The following GPRC5A variants were observed in gnomAD, a reference collection of about 807,000 sequenced individuals.
GPRC5A encodes G protein-coupled receptor class C group 5 member A.
GPRC5A carries 19 observed loss-of-function variants against 22.5 expected under a neutral mutation model. The ratio of observed to expected loss-of-function variants is 0.85; its 90% CI spans 0.59 to 1.24. GPRC5A has a LOEUF of 1.24. Among genes scored for constraint, GPRC5A ranks in the 50% most tolerant of loss-of-function variants. GPRC5A has a pLI of 0.00. For missense variants in GPRC5A, 471 were observed against 451.1 expected, an observed-to-expected ratio of 1.04 and a Z score of -0.40; for synonymous variants, 192 against 184.5, an observed-to-expected ratio of 1.04 and a Z score of -0.33.
chr12:12,895,763 G>A (rs539397132), intron 1 of GPRC5A, among the ~76,000 whole-genome samples: 155 of 144,324 alleles, frequency 1.1e-3, no homozygotes, highest in African/African-American at 3.8e-3. Context: ...AGATCACGAG[G>A]TCAGGAGTTC....
At chr12:12,900,909 A>C (rs1279694934) in intron 1 of GPRC5A, among the ~76,000 whole-genome samples, 11 of 121,904 alleles carry the variant, frequency 9.0e-5, no homozygotes, top group Admixed American at 1.6e-4. Context: ...AAAAAAAAAA[A>C]AAAACAAAAA....
intron 1 of GPRC5A, among the ~76,000 whole-genome samples, chr12:12,903,021 C>G (rs1395256339): frequency 6.6e-6 from 1 of 152,082 alleles, no homozygotes; most frequent in Non-Finnish European, 1.5e-5. Context: ...GCGCCGATAT[C>G]GCGCCATTGC....
In GPRC5A at chr12:12,917,247, TGTGTGCGTGC is replaced by T. The variant is rs747076660; in HGVS notation, c.*4712_*4721del. On this transcript the variant is annotated 3_prime_UTR_variant, in exon 4 of 4. Coordinates refer to ENST00000014914, the MANE Select transcript of GPRC5A (RefSeq NM_003979.4). ...GTGTGTGTGTGTGTGTGTGTGTGTG[TGTGTGCGTGC>T]GTGCGTGTATGTGCGCCTGACCCTG... 3,109 of 80,012 alleles carry T rather than the reference TGTGTGCGTGC, an allele frequency of 0.039. 115 individuals carry two copies. Among genetic ancestry groups the T allele is most frequent in the East Asian group, 0.19 (120 of 646 alleles). The allele number at this position is 80,012 out of a possible 1,614,324, so 5.0% of individuals were successfully genotyped here.
Position 12,908,604 on chromosome 12 carries a change from C to G in GPRC5A, c.355C>G (p.Leu119Val). 1 of 1,614,056 alleles carries G rather than the reference C, an allele frequency of 6.2e-7. No homozygotes were observed. The highest frequency in any genetic ancestry group is 8.5e-7 in the Non-Finnish European group (1 of 1,179,950). ...FSCLLAHAVS[L>V]TKLVRGRKPL... ...CTGCCTGCTGGCTCATGCTGTCAGT[C>G]TGACCAAGCTCGTCCGGGGGAGGAA... is the stretch of plus-strand genomic sequence containing the variant. Residue 119 changes from leucine (L) to valine (V), a missense_variant, in exon 2 of 4, where the codon CTG becomes GTG. Coordinates refer to ENST00000014914, the MANE Select transcript of GPRC5A (RefSeq NM_003979.4).
At chr12:12,911,950 C>A in intron 2 of GPRC5A, 134 bp from the exon 3 acceptor site, 1 of 645,532 alleles carries the variant, frequency 1.5e-6, no homozygotes, top group East Asian at 2.7e-5. Context: ...GTCTCTGTCC[C>A]TCCAAGAAAC....
chr12:12,893,312 A>G (rs1286753698), intron 1 of GPRC5A, among the ~76,000 whole-genome samples: 1 of 152,212 alleles, frequency 6.6e-6, no homozygotes, highest in Admixed American at 6.5e-5. Flanking sequence ...CTAGTCTTGA[A>G]TGGTAATCGA....
chr12:12,895,942 G>A (rs1190108873), intron 1 of GPRC5A, among the ~76,000 whole-genome samples: 2 of 136,312 alleles, frequency 1.5e-5, no homozygotes, highest in Admixed American at 1.7e-4. Context: ...GCAGTGAGCC[G>A]AGATCACGCC....
chr12:12,893,453 A>T (rs1372526081), intron 1 of GPRC5A, among the ~76,000 whole-genome samples: 1 of 152,154 alleles, frequency 6.6e-6, no homozygotes, highest in Non-Finnish European at 1.5e-5. Flanking sequence ...TAAATTGAGG[A>T]GTATTTTTGC....
chr12:12,911,103 C>T (rs1314569229), intron 2 of GPRC5A, among the ~76,000 whole-genome samples: 1 of 152,118 alleles, frequency 6.6e-6, no homozygotes, highest in East Asian at 1.9e-4. Flanking sequence ...GAACTCCTGA[C>T]CTCATGATCC....
intron 2 of GPRC5A, chr12:12,909,827 G>A (rs1246344728): frequency 1.3e-5 from 2 of 151,764 alleles, no homozygotes; most frequent in Non-Finnish European, 2.9e-5. Context: ...GGCCAGGCAT[G>A]GTGGCTCACT....
At chr12:12,900,092 G>C (rs987638719) in intron 1 of GPRC5A, among the ~76,000 whole-genome samples, 1 of 152,186 alleles carries the variant, frequency 6.6e-6, no homozygotes, top group African/African-American at 2.4e-5. Flanking sequence ...TCAGTGCTGT[G>C]TGTCAGTCAA....
At chr12:12,896,360 A>G (rs1048297666) in intron 1 of GPRC5A, among the ~76,000 whole-genome samples, 1 of 152,212 alleles carries the variant, frequency 6.6e-6, no homozygotes, top group African/African-American at 2.4e-5. Context: ...GATGTTATTC[A>G]TAAGTTATTG....
Position 12,908,739 on chromosome 12 carries a change from G to A in GPRC5A, c.490G>A (p.Val164Ile), listed in dbSNP as rs1456167511. The A allele has an allele frequency of 3.1e-6, 5 of 1,614,190 alleles. No homozygotes were observed. The highest frequency in any genetic ancestry group is 4.2e-6 in the Non-Finnish European group (5 of 1,180,018). Reference protein sequence around the residue: ...VLTMNRTNVNVFSELSAPRRN... With the variant: ...VLTMNRTNVNIFSELSAPRRN... ...GACCATGAATAGGACCAACGTCAATGTCTTTTCTGAGCTTTCCGCTCCTCG... is the reference window on the plus strand; with the variant it reads ...GACCATGAATAGGACCAACGTCAATATCTTTTCTGAGCTTTCCGCTCCTCG... Residue 164 changes from valine to isoleucine, a missense_variant, in exon 2 of 4, where the codon GTC becomes ATC. Val to Ile is a conservative substitution (Grantham distance 29). Coordinates refer to ENST00000014914, the MANE Select transcript of GPRC5A (RefSeq NM_003979.4).
At chr12:12,904,626 A>G (rs947052214) in intron 1 of GPRC5A, among the ~76,000 whole-genome samples, 52 of 152,320 alleles carry the variant, frequency 3.4e-4, no homozygotes, top group African/African-American at 1.2e-3. Context: ...ATGACTACAT[A>G]AAATAAAGTT....
In GPRC5A at chr12:12,916,304, C is replaced by G. The variant is rs1244458687; in HGVS notation, c.*3765C>G. The stretch of plus-strand genomic sequence containing the variant: ...CGATGATGAAATAAAACTCAACAGC[C>G]TTTCTCTCATCTTGCATTGTGAGAT... On this transcript the variant is annotated 3_prime_UTR_variant, in exon 4 of 4. Transcript: ENST00000014914. The G allele has an allele frequency of 6.6e-6, 1 of 152,482 alleles. No homozygotes were observed. Among genetic ancestry groups the G allele is most frequent in the African/African-American group, 2.4e-5 (1 of 41,470 alleles). 9.4% of individuals were successfully genotyped at this position (152,482 alleles called of 1,614,324 possible).
At chr12:12,903,319 C>T (rs1374095767) in intron 1 of GPRC5A, among the ~76,000 whole-genome samples, 1 of 152,102 alleles carries the variant, frequency 6.6e-6, no homozygotes, top group Non-Finnish European at 1.5e-5. Context: ...CTTATTCTAT[C>T]TCCCAGGCAG....
chr12:12,905,184 A>G (rs182601740), intron 1 of GPRC5A, among the ~76,000 whole-genome samples: 1 of 152,118 alleles, frequency 6.6e-6, no homozygotes, highest in Non-Finnish European at 1.5e-5. Flanking sequence ...CCCGGCCAAG[A>G]AGGTTGTTTT....
intron 1 of GPRC5A, among the ~76,000 whole-genome samples, chr12:12,902,796 G>A (rs1034914989): frequency 3.3e-5 from 5 of 152,260 alleles, no homozygotes; most frequent in Non-Finnish European, 7.4e-5. Context: ...GGCTGGGCAC[G>A]GTGGCTCACG....
chr12:12,911,644 A>G (rs1215571276), intron 2 of GPRC5A, among the ~76,000 whole-genome samples: 1 of 151,990 alleles, frequency 6.6e-6, no homozygotes, highest in East Asian at 1.9e-4. Context: ...GCCCGCCACC[A>G]CGCCTGGCTA....
Sources: allele counts gnomAD v4.1 joint callset (sites outside exome capture counted in the v4.1 genomes callset), GRCh38; gene constraint gnomAD v4.1.1; transcripts MANE v1.5; gene names NCBI Gene and HGNC (gene_info 2026-07-23, HGNC 2026-07-21).